IRAG1: variants seen among roughly 807,000 people sequenced by gnomAD.
IRAG1 encodes inositol 1,4,5-triphosphate receptor associated 1, also known as IP3R-associated cGMP kinase substrate.
In IRAG1, 62 loss-of-function variants were observed where a neutral mutation model predicts 106.2. The ratio of observed to expected loss-of-function variants is 0.58; its 90% CI spans 0.48 to 0.72. The LOEUF is 0.72. IRAG1 is among the 30% of genes least tolerant of loss of function. IRAG1 has a pLI of 0.00. For missense variants in IRAG1, 1,064 were observed against 1,140.7 expected, an observed-to-expected ratio of 0.93 and a Z score of 0.97; for synonymous variants, 462 against 443.9, an observed-to-expected ratio of 1.04 and a Z score of -0.51.
At chr11:10,671,813 T>C (rs7937751) in intron 1 of IRAG1, among the ~76,000 whole-genome samples, 2,166 of 152,274 alleles carry the variant, frequency 0.014, 47 homozygotes, top group African/African-American at 0.05. Flanking sequence ...ATATGAAATA[T>C]ATTTGAAAGA....
Position 10,626,397 on chromosome 11 carries a change from T to G in IRAG1, c.937A>C (p.Ser313Arg). 6.2e-7 allele frequency: 1 copy of G among 1,613,896 alleles called. No homozygotes were observed. ...PKGLAPVTNSSGKMALNSPQP... is the reference protein window; with the variant it reads ...PKGLAPVTNSRGKMALNSPQP... ...GGGCTGTTCAGGGCCATTTTCCCAC[T>G]GCTGTTTGTAACAGGAGCTAGGCCT... is the stretch of plus-strand genomic sequence containing the variant. Residue 313 changes from serine (S) to arginine (R), a missense_variant, in exon 9 of 21, where the codon AGT becomes CGT. Coordinates refer to ENST00000423302, the MANE Select transcript of IRAG1 (RefSeq NM_130385.4).
At chr11:10,636,996 T>C (rs1177639239) in intron 2 of IRAG1, among the ~76,000 whole-genome samples, 1 of 152,194 alleles carries the variant, frequency 6.6e-6, no homozygotes, top group Admixed American at 6.5e-5. Flanking sequence ...TGAGCCAGCT[T>C]CTGAAGGACC....
chr11:10,576,023 A>G lies in IRAG1; in HGVS notation c.*309T>C. On this transcript the variant is annotated 3_prime_UTR_variant, in exon 21 of 21. Transcript: ENST00000423302. ...GCTCCTTACCCCCAACCACCAGTGA[A>G]GGTGTTTTAGTTCTCCCCAGCCACC... 2.9e-6 allele frequency: 1 copy of G among 345,962 alleles called. No individual in the cohort carries two copies. The highest frequency in any genetic ancestry group is 5.5e-6 in the Non-Finnish European group (1 of 182,826). The allele number at this position is 345,962 out of a possible 1,614,324, so 21.4% of individuals were successfully genotyped here.
intron 2 of IRAG1, among the ~76,000 whole-genome samples, chr11:10,646,061 T>C (rs1419054701): frequency 6.6e-6 from 1 of 152,190 alleles, no homozygotes; most frequent in Non-Finnish European, 1.5e-5. Flanking sequence ...AAGCCCAAGT[T>C]CTTCCTGCTC....
In IRAG1 at chr11:10,652,028, G is replaced by A. The variant is rs1858558345; in HGVS notation, c.222C>T (p.Gly74=). Residue 74 remains glycine (G), a synonymous_variant, in exon 2 of 21, where the codon GGC becomes GGT. Coordinates refer to ENST00000423302, the MANE Select transcript of IRAG1 (RefSeq NM_130385.4). ...AGGGCAGGGAGGGGGCACTTACTTG[G>A]CCGGCAGGGCTCTGGGCTGCCTGTG... ...GEPQAAQSPA[G]QGPPAAGVSC... is the part of the protein sequence containing the mutation. 2 of 1,568,140 alleles carry A rather than the reference G, an allele frequency of 1.3e-6. No homozygotes were observed. The highest frequency in any genetic ancestry group is 8.6e-7 in the Non-Finnish European group (1 of 1,158,020).
intron 2 of IRAG1, among the ~76,000 whole-genome samples, chr11:10,643,176 C>CAAAAAAA (rs10679269): frequency 0.032 from 1,915 of 59,772 alleles, 206 homozygotes; most frequent in African/African-American, 0.076. Context: ...GACTCCGTCT[C>CAAAAAAA]AAAAAAAAAA....
intron 10 of IRAG1, among the ~76,000 whole-genome samples, chr11:10,620,614 C>G (rs927355679): frequency 3.3e-5 from 5 of 152,104 alleles, no homozygotes; most frequent in African/African-American, 1.2e-4. Context: ...TAATAATAAA[C>G]TTAAAACAAT....
At chr11:10,639,294 A>C (rs938833936) in intron 2 of IRAG1, among the ~76,000 whole-genome samples, 2 of 152,240 alleles carry the variant, frequency 1.3e-5, no homozygotes, top group African/African-American at 4.8e-5. Context: ...AAAATATAAG[A>C]TATAAAAACA....
chr11:10,668,689 A>G (rs1859983032), intron 1 of IRAG1, among the ~76,000 whole-genome samples: 1 of 152,082 alleles, frequency 6.6e-6, no homozygotes, highest in African/African-American at 2.4e-5. Context: ...CGTCTCCCCT[A>G]TTTGGCTGAG....
chr11:10,588,923 A>G (rs1852336485), intron 18 of IRAG1: 1 of 152,172 alleles, frequency 6.6e-6, no homozygotes, highest in South Asian at 2.1e-4. Flanking sequence ...TTACATAGCC[A>G]TTTCTACTTG....
At chr11:10,601,265 C>A (rs781087546) in intron 14 of IRAG1, among the ~76,000 whole-genome samples, 1 of 152,222 alleles carries the variant, frequency 6.6e-6, no homozygotes, top group Non-Finnish European at 1.5e-5. Flanking sequence ...AGCACAGCCA[C>A]CACACTGCAG....
chr11:10,607,918 G>C (rs11042894), intron 11 of IRAG1, among the ~76,000 whole-genome samples: 57,127 of 151,986 alleles, frequency 0.38, 11,406 homozygotes, highest in East Asian at 0.69. Context: ...TCAGGCCCTT[G>C]CCTTAACTGT....
chr11:10,615,301 T>C (rs201311342), intron 10 of IRAG1, among the ~76,000 whole-genome samples: 1 of 152,272 alleles, frequency 6.6e-6, no homozygotes, highest in African/African-American at 2.4e-5. Flanking sequence ...GGAGAGGATA[T>C]GGAGAAATAG....
At chr11:10,615,713 A>G (rs1365786152) in intron 10 of IRAG1, among the ~76,000 whole-genome samples, 1 of 151,994 alleles carries the variant, frequency 6.6e-6, no homozygotes, top group Non-Finnish European at 1.5e-5. Flanking sequence ...GTTCTCACTC[A>G]TAGGCGGGAA....
rs773082494 is a variant in IRAG1, at chr11:10,652,060, C to T, written c.190G>A (p.Gly64Arg). Reference protein sequence around the residue: ...PHIPEDEEPPGEPQAAQSPAG... With the variant: ...PHIPEDEEPPREPQAAQSPAG... ...GGGCTCTGGGCTGCCTGTGGCTCTC[C>T]GGGGGGCTCCTCGTCCTCGGGAATG... The change falls in exon 2 of 21, where the codon GGA becomes AGA. Residue 64 changes from glycine to arginine, a missense_variant. Coordinates refer to ENST00000423302, the MANE Select transcript of IRAG1 (RefSeq NM_130385.4). The T allele has an allele frequency of 1.1e-5, 18 of 1,591,594 alleles. No homozygotes were observed. Among genetic ancestry groups the T allele is most frequent in the Admixed American group, 5.3e-5 (3 of 56,718 alleles).
intron 1 of IRAG1, among the ~76,000 whole-genome samples, chr11:10,660,498 G>A (rs79600343): frequency 0.078 from 11,898 of 152,150 alleles, 499 homozygotes; most frequent in Middle Eastern, 0.13. Context: ...CAAACACTAT[G>A]TACATATCAG....
intron 1 of IRAG1, among the ~76,000 whole-genome samples, chr11:10,653,124 A>T (rs10770129): frequency 0.21 from 32,267 of 152,154 alleles, 4,757 homozygotes; most frequent in East Asian, 0.79. Context: ...GTGTTCTAGG[A>T]CCAGATGCTT....
chr11:10,656,991 C>T (rs747060613), intron 1 of IRAG1, among the ~76,000 whole-genome samples: 1 of 152,154 alleles, frequency 6.6e-6, no homozygotes, highest in Non-Finnish European at 1.5e-5. Flanking sequence ...CTTATGAGGG[C>T]TAAAGAGTGG....
chr11:10,597,600 T>G (rs1853472931), intron 15 of IRAG1, among the ~76,000 whole-genome samples: 1 of 152,198 alleles, frequency 6.6e-6, no homozygotes, highest in Non-Finnish European at 1.5e-5. Flanking sequence ...CAAGCGATCC[T>G]TTCACCTTGG....
Sources: allele counts gnomAD v4.1 joint callset (sites outside exome capture counted in the v4.1 genomes callset), GRCh38; gene constraint gnomAD v4.1.1; transcripts MANE v1.5; gene names NCBI Gene and HGNC (gene_info 2026-07-23, HGNC 2026-07-21).